Variants in SLC5A8 observed in about 807,000 individuals in gnomAD.
SLC5A8 encodes the protein sodium-coupled monocarboxylate transporter 1.
In SLC5A8, 55 loss-of-function variants were observed where a neutral mutation model predicts 71.9. That is an observed-to-expected ratio of 0.77 (90% CI 0.62 to 0.96). The LOEUF (loss-of-function observed/expected upper bound fraction) is 0.96. SLC5A8 is among the 40% of genes least tolerant of loss of function. The pLI is 0.00. For synonymous variants in SLC5A8, 307 were observed against 276.1 expected (o/e 1.11, Z -1.11); for missense variants, 701 against 745.3 (o/e 0.94, Z 0.69).
chr12:101,184,288 T>C, intron 7 of SLC5A8, 66 bp from the exon 8 acceptor site: 1 of 1,307,086 alleles, frequency 7.7e-7, no homozygotes, highest in Non-Finnish European at 1.1e-6. Context: ...AATGCCTAGT[T>C]TATCATTTGT....
chr12:101,192,430 C>T (rs567011426), intron 5 of SLC5A8, among the ~76,000 whole-genome samples: 1 of 152,224 alleles, frequency 6.6e-6, no homozygotes, highest in South Asian at 2.1e-4. Flanking sequence ...CTTCAAACTG[C>T]CTATGTTAAA....
chr12:101,210,019 G>A lies in SLC5A8; in HGVS notation c.-171C>T, dbSNP rs983706829. 3 of 570,590 alleles carry A rather than the reference G, an allele frequency of 5.3e-6. No homozygotes were observed. In the African/African-American group the frequency reaches 6.0e-5, roughly 11 times the overall value. The allele number at this position is 570,590 out of a possible 1,614,324, so 35.3% of individuals were successfully genotyped here. A position where few individuals can be genotyped will look rare whatever the true frequency, so the allele number is the denominator to read the frequency against. On this transcript the variant is annotated 5_prime_UTR_variant, in exon 1 of 15. Coordinates refer to ENST00000536262, the MANE Select transcript of SLC5A8 (RefSeq NM_145913.5). ...CCGAACGCACCCCGAGGCGGGGTGA[G>A]GGCTGGCAGTCGCCCCTGCACCCGC...
chr12:101,198,812 C>T (rs563947584), intron 3 of SLC5A8, among the ~76,000 whole-genome samples: 65 of 151,810 alleles, frequency 4.3e-4, no homozygotes, highest in African/African-American at 2.2e-4. Flanking sequence ...AAATCGAATT[C>T]GGTAATATAT....
At chr12:101,171,506 C>T (rs889235962) in intron 10 of SLC5A8, among the ~76,000 whole-genome samples, 9 of 152,216 alleles carry the variant, frequency 5.9e-5, no homozygotes, top group South Asian at 4.2e-4. Context: ...TTCTGTAGGA[C>T]GGTGAGTAGG....
chr12:101,203,317 T>C (rs970558047), intron 2 of SLC5A8, among the ~76,000 whole-genome samples: 4 of 152,218 alleles, frequency 2.6e-5, no homozygotes, highest in African/African-American at 9.6e-5. Context: ...AAAGGCACTC[T>C]GTCTCACTGC....
At chr12:101,189,886 C>T (rs1388045593) in intron 6 of SLC5A8, among the ~76,000 whole-genome samples, 1 of 152,196 alleles carries the variant, frequency 6.6e-6, no homozygotes, top group Non-Finnish European at 1.5e-5. Flanking sequence ...ATGCCAAACA[C>T]AGTATTTTAC....
At chr12:101,192,919 C>A (rs1174959109) in intron 5 of SLC5A8, among the ~76,000 whole-genome samples, 1 of 149,840 alleles carries the variant, frequency 6.7e-6, no homozygotes, top group African/African-American at 2.5e-5. Flanking sequence ...TTTTTTATGG[C>A]AGGTGCTAAT....
rs765155262 is a variant in SLC5A8 at position 101,209,753 on chromosome 12, G to A, written c.96C>T (p.Tyr32=). 3.1e-6 allele frequency: 5 copies of A among 1,612,150 alleles called. No homozygotes were observed. Among genetic ancestry groups the A allele is most frequent in the South Asian group, 1.1e-5 (1 of 91,066 alleles). ...TCTGCTGGCCGCCCCCAGCGAAGGC[G>A]TAGTAGATGCCGATGGCGGCCGAGA... is the stretch of plus-strand genomic sequence containing the variant. ...LVISAAIGIY[Y]AFAGGGQQTS... Residue 32 remains tyrosine (Y), a synonymous_variant, in exon 1 of 15, where the codon TAC becomes TAT. Transcript: ENST00000536262.
At chr12:101,171,976 A>G (rs1439454200) in intron 10 of SLC5A8, among the ~76,000 whole-genome samples, 1 of 152,220 alleles carries the variant, frequency 6.6e-6, no homozygotes, top group Non-Finnish European at 1.5e-5. Flanking sequence ...GAGTTGCTTG[A>G]TTACAGAGCA....
At chr12:101,158,207 A>C in intron 14 of SLC5A8, 42 bp downstream of exon 14, 1 of 1,364,706 alleles carries the variant, frequency 7.3e-7, no homozygotes, top group Non-Finnish European at 1.0e-6. Flanking sequence ...CCAGGTAATA[A>C]AGCCCAGTTT....
intron 1 of SLC5A8, among the ~76,000 whole-genome samples, chr12:101,209,118 C>G (rs1001489853): frequency 6.6e-6 from 1 of 152,142 alleles, no homozygotes; most frequent in African/African-American, 2.4e-5. Flanking sequence ...TTTCAAGAAG[C>G]AGGGCCTGAG....
At chr12:101,183,077 G>T (rs1215271139) in intron 8 of SLC5A8, among the ~76,000 whole-genome samples, 162 bp from the exon 9 acceptor site, 17 of 110,648 alleles carry the variant, frequency 1.5e-4, no homozygotes, top group Non-Finnish European at 2.3e-4. Context: ...ACGGAGTCTC[G>T]CTCTGTCGCC....
chr12:101,190,500 A>G lies in SLC5A8; in HGVS notation c.801T>C (p.Tyr267=). Residue 267 remains tyrosine, a synonymous_variant, in exon 6 of 15, where the codon TAT becomes TAC. Transcript: ENST00000536262. ...CCTGGAATCTGCTTTTACAAGAAAT[A>G]TATCTCTGCACCTGGGATTGGTTGA... ...YGVNQSQVQR[Y]ISCKSRFQAK... 1.2e-6 allele frequency: 2 copies of G among 1,613,344 alleles called. No individual in the cohort carries two copies. Among genetic ancestry groups the G allele is most frequent in the Non-Finnish European group, 1.7e-6 (2 of 1,179,742 alleles).
intron 5 of SLC5A8, among the ~76,000 whole-genome samples, chr12:101,193,012 C>T (rs1391971982): frequency 7.0e-6 from 1 of 143,238 alleles, no homozygotes; most frequent in African/African-American, 2.6e-5. Context: ...CACTCTGTTG[C>T]ACAGGCTGAA....
intron 6 of SLC5A8, among the ~76,000 whole-genome samples, chr12:101,189,069 C>T (rs1868786099): frequency 6.6e-6 from 1 of 152,126 alleles, no homozygotes; most frequent in Non-Finnish European, 1.5e-5. Context: ...ATCTACTATG[C>T]TTATGGGAAT....
intron 10 of SLC5A8, among the ~76,000 whole-genome samples, chr12:101,168,632 TC>T (rs2051796311): frequency 6.6e-6 from 1 of 152,234 alleles, no homozygotes; most frequent in Admixed American, 6.5e-5. Flanking sequence ...CTGATTTGAT[TC>T]CCTAAGGATG....
chr12:101,201,175 A>C (rs148100301), intron 3 of SLC5A8, among the ~76,000 whole-genome samples: 1,895 of 152,344 alleles, frequency 0.012, 43 homozygotes, highest in African/African-American at 0.043. Context: ...GTAACTCATG[A>C]AGTTTATAAC....
intron 3 of SLC5A8, among the ~76,000 whole-genome samples, chr12:101,198,300 A>G (rs1039429105): frequency 2.0e-5 from 3 of 151,948 alleles, no homozygotes; most frequent in African/African-American, 7.2e-5. Flanking sequence ...GAAACAATAA[A>G]TAGCACAAAT....
Position 101,210,180 on chromosome 12 carries a change from G to GC in SLC5A8, c.-333_-332insG. The GC allele has an allele frequency of 3.7e-5, 11 of 301,112 alleles. No individual in the cohort carries two copies. Among genetic ancestry groups the GC allele is most frequent in the Non-Finnish European group, 6.0e-5 (10 of 165,296 alleles). 18.7% of individuals were successfully genotyped at this position (301,112 alleles called of 1,614,324 possible). ...GGGGACACCTGAGCAGATGAGAACT[G>GC]GAGCCTCCAGCTGCTTCCAGCGAAT... On this transcript the variant is annotated 5_prime_UTR_variant, in exon 1 of 15. Coordinates refer to ENST00000536262, the MANE Select transcript of SLC5A8 (RefSeq NM_145913.5).
Sources: allele counts gnomAD v4.1 joint callset (sites outside exome capture counted in the v4.1 genomes callset), GRCh38; gene constraint gnomAD v4.1.1; transcripts MANE v1.5; gene names NCBI Gene and HGNC (gene_info 2026-07-23, HGNC 2026-07-21).